The following RAP1A variants were observed in gnomAD, a reference collection of about 807,000 sequenced individuals.
The protein encoded by RAP1A is RAP1A, member of RAS oncogene family.
In RAP1A, 6 loss-of-function variants were observed where a neutral mutation model predicts 26.4. The ratio of observed to expected loss-of-function variants is 0.23; its 90% CI spans 0.12 to 0.45. The LOEUF is 0.45. RAP1A is among the 20% of genes least tolerant of loss of function. The probability of loss-of-function intolerance (pLI) is 0.99; values close to 1 mark genes in which losing one functional copy is unlikely to be tolerated. For missense variants in RAP1A, 121 were observed against 217.2 expected, an observed-to-expected ratio of 0.56 and a Z score of 2.78; for synonymous variants, 73 against 79.4, an observed-to-expected ratio of 0.92 and a Z score of 0.43.
intron 1 of RAP1A, among the ~76,000 whole-genome samples, chr1:111,555,289 C>G (rs1571463301): frequency 7.0e-6 from 1 of 142,848 alleles, no homozygotes; most frequent in East Asian, 2.1e-4. Context: ...TTGCTTGAAC[C>G]CAGGAGGCTG....
rs532679290 is a variant in RAP1A at position 111,643,049 on chromosome 1, C to T, written c.-28+23115C>T. ...CCTCCCAAAGTGCTGGGATTACAGG[C>T]GTGAGCCACTGCGCCCGGCCAGCTA... On this transcript the variant is annotated intron_variant, in intron 1 of 7. Coordinates refer to ENST00000369709, the MANE Select transcript of RAP1A (RefSeq NM_002884.4). Among the ~76,000 whole-genome samples the T allele has an allele frequency of 3.9e-5, 6 of 152,254 alleles. No homozygotes were observed. In the East Asian group the frequency reaches 9.6e-4, roughly 24 times the overall value.
At chr1:111,586,489 G>T (rs1658366520) in intron 1 of RAP1A, among the ~76,000 whole-genome samples, 1 of 152,138 alleles carries the variant, frequency 6.6e-6, no homozygotes, top group African/African-American at 2.4e-5. Flanking sequence ...AGGCTGAGGT[G>T]GGAGGATTGC....
chr1:111,640,818 G>A (rs950826119), intron 1 of RAP1A, among the ~76,000 whole-genome samples: 1 of 152,054 alleles, frequency 6.6e-6, no homozygotes, highest in Admixed American at 6.6e-5. Context: ...CAAAAAATTA[G>A]CAGGGTGTGG....
intron 1 of RAP1A, among the ~76,000 whole-genome samples, chr1:111,626,385 A>G (rs1293113564): frequency 2.0e-5 from 3 of 151,622 alleles, no homozygotes; most frequent in African/African-American, 7.3e-5. Flanking sequence ...ACACACACAC[A>G]CACACACACA....
chr1:111,697,412 T>C (rs1323816297), intron 3 of RAP1A, 29 bp from the exon 4 acceptor site: 23 of 1,603,510 alleles, frequency 1.4e-5, no homozygotes, highest in Non-Finnish European at 1.9e-5. Flanking sequence ...TGTTACTCTT[T>C]AACCTTTTTT....
chr1:111,608,758 AGGCG>A (rs1658864748), intron 1 of RAP1A: 1 of 157,826 alleles, frequency 6.3e-6, no homozygotes, highest in Non-Finnish European at 1.4e-5. Flanking sequence ...AAAAGCAGTG[AGGCG>A]TGGCGTCGCG....
chr1:111,667,766 C>T (rs1454386307), intron 1 of RAP1A, among the ~76,000 whole-genome samples: 1 of 151,948 alleles, frequency 6.6e-6, no homozygotes, highest in Non-Finnish European at 1.5e-5. Flanking sequence ...AATGAAGGTC[C>T]CATTTTACAA....
intron 1 of RAP1A, among the ~76,000 whole-genome samples, chr1:111,558,652 CTAAAA>C (rs138542672): frequency 0.11 from 15,994 of 151,976 alleles, 2,118 homozygotes; most frequent in African/African-American, 0.31. Context: ...AAAAATTTTG[CTAAAA>C]TAAATGGGTT....
chr1:111,585,280 T>C (rs2101063150), intron 1 of RAP1A, among the ~76,000 whole-genome samples: 1 of 152,372 alleles, frequency 6.6e-6, no homozygotes, highest in Admixed American at 6.5e-5. Context: ...TCTATATCTC[T>C]TTTAAAACTG....
At chr1:111,594,288 C>A (rs915792789) in intron 1 of RAP1A, among the ~76,000 whole-genome samples, 5 of 152,100 alleles carry the variant, frequency 3.3e-5, no homozygotes, top group African/African-American at 1.2e-4. Flanking sequence ...CCCTAGGCAA[C>A]ATAGTGAGAC....
intron 1 of RAP1A, chr1:111,648,725 A>C: frequency 6.8e-6 from 4 of 589,396 alleles, no homozygotes; most frequent in Admixed American, 2.0e-5. Context: ...CAGCCTCAGC[A>C]GACTGCGTGG....
intron 1 of RAP1A, among the ~76,000 whole-genome samples, chr1:111,597,418 A>G (rs1658582233): frequency 1.3e-5 from 2 of 152,190 alleles, no homozygotes; most frequent in Non-Finnish European, 2.9e-5. Context: ...AAGAAATAAA[A>G]AGCATGAACA....
chr1:111,576,445 A>C (rs1200459049), intron 1 of RAP1A, among the ~76,000 whole-genome samples: 1 of 152,238 alleles, frequency 6.6e-6, no homozygotes, highest in Non-Finnish European at 1.5e-5. Context: ...TCAGGCAGGT[A>C]AAGTCATCTG....
intron 1 of RAP1A, among the ~76,000 whole-genome samples, chr1:111,667,895 A>C (rs536884153): frequency 1.6e-3 from 238 of 152,280 alleles, no homozygotes; most frequent in Non-Finnish European, 3.0e-3. Context: ...GCACCTACTG[A>C]ACCAGCTAAA....
At chr1:111,654,376 C>G (rs936345615) in intron 1 of RAP1A, among the ~76,000 whole-genome samples, 1 of 152,126 alleles carries the variant, frequency 6.6e-6, no homozygotes, top group African/African-American at 2.4e-5. Flanking sequence ...TCCATCACAC[C>G]TGAGTTAGGT....
At chr1:111,551,808 T>C (rs961378311) in intron 1 of RAP1A, among the ~76,000 whole-genome samples, 3 of 150,768 alleles carry the variant, frequency 2.0e-5, no homozygotes, top group Non-Finnish European at 4.4e-5. Context: ...TCTGCAACTT[T>C]ATTGGGGCAT....
At chr1:111,575,122 C>T (rs1226056070) in intron 1 of RAP1A, among the ~76,000 whole-genome samples, 2 of 151,964 alleles carry the variant, frequency 1.3e-5, no homozygotes, top group Admixed American at 6.6e-5. Flanking sequence ...TATGACATTA[C>T]CTAAGTTACT....
At chr1:111,594,597 G>GAAGA (rs1236571295) in intron 1 of RAP1A, among the ~76,000 whole-genome samples, 1 of 150,450 alleles carries the variant, frequency 6.6e-6, no homozygotes, top group Non-Finnish European at 1.5e-5. Flanking sequence ...AGGGAGGGAG[G>GAAGA]AAGGAAGCAA....
At chr1:111,695,033 G>T (rs1178852117) in intron 2 of RAP1A, among the ~76,000 whole-genome samples, 10 of 152,078 alleles carry the variant, frequency 6.6e-5, no homozygotes, top group Non-Finnish European at 1.3e-4. Flanking sequence ...TTTAAATATT[G>T]ATAATTTTTC....
Sources: allele counts gnomAD v4.1 joint callset (sites outside exome capture counted in the v4.1 genomes callset), GRCh38; gene constraint gnomAD v4.1.1; transcripts MANE v1.5; gene names NCBI Gene and HGNC (gene_info 2026-07-23, HGNC 2026-07-21).